Variants in CTNNA3 observed in about 807,000 individuals in gnomAD.
CTNNA3 encodes catenin alpha-3.
A neutral mutation model predicts 95.7 loss-of-function variants in CTNNA3; 76 were observed. That is an observed-to-expected ratio of 0.79 (90% CI 0.66 to 0.96). The LOEUF (loss-of-function observed/expected upper bound fraction) is 0.96, where lower values mean the gene tolerates loss of function less well. CTNNA3 is among the 40% of genes least tolerant of loss of function. The pLI is 0.00. For missense variants in CTNNA3, 1,191 were observed against 1,089.8 expected (o/e 1.09, Z -1.31); for synonymous variants, 431 against 374.4 (o/e 1.15, Z -1.74).
chr10:67,731,569 G>A (rs575037015), intron 1 of CTNNA3, among the ~76,000 whole-genome samples: 16 of 152,122 alleles, frequency 1.1e-4, no homozygotes, highest in Non-Finnish European at 1.6e-4. Context: ...TTGGGAGGCC[G>A]AGGCAGGCGG....
At chr10:67,478,156 T>C (rs1848088679) in intron 5 of CTNNA3, among the ~76,000 whole-genome samples, 2 of 152,150 alleles carry the variant, frequency 1.3e-5, no homozygotes, top group Non-Finnish European at 2.9e-5. Flanking sequence ...TTTTTAAAAA[T>C]GAACAAAGTC....
intron 5 of CTNNA3, among the ~76,000 whole-genome samples, chr10:67,481,815 T>C (rs901345938): frequency 1.2e-4 from 18 of 152,288 alleles, no homozygotes; most frequent in African/African-American, 4.3e-4. Context: ...AGACATGAAG[T>C]CCTTGCCCAT....
At chr10:66,734,037 T>C (rs550414974) in intron 9 of CTNNA3, among the ~76,000 whole-genome samples, 3 of 152,144 alleles carry the variant, frequency 2.0e-5, no homozygotes, top group Non-Finnish European at 4.4e-5. Flanking sequence ...CTAATTGTGA[T>C]GTATTTCTTA....
chr10:66,462,069 C>A (rs972326408), intron 11 of CTNNA3, among the ~76,000 whole-genome samples: 1 of 152,048 alleles, frequency 6.6e-6, no homozygotes, highest in Non-Finnish European at 1.5e-5. Context: ...CTCGTCCCCC[C>A]AAAGTGCCAG....
intron 2 of CTNNA3, among the ~76,000 whole-genome samples, chr10:67,622,111 G>C (rs929224418): frequency 1.3e-5 from 2 of 152,196 alleles, no homozygotes; most frequent in Non-Finnish European, 2.9e-5. Flanking sequence ...GCCCCGGGGA[G>C]TCTATGAAGG....
At chr10:67,603,171 T>G (rs1843143944) in intron 3 of CTNNA3, among the ~76,000 whole-genome samples, 1 of 152,194 alleles carries the variant, frequency 6.6e-6, no homozygotes, top group Non-Finnish European at 1.5e-5. Flanking sequence ...ACGGGGTCAG[T>G]AAACACTTCC....
intron 1 of CTNNA3, among the ~76,000 whole-genome samples, chr10:67,681,261 T>C (rs1455086662): frequency 1.3e-5 from 2 of 152,190 alleles, no homozygotes; most frequent in Non-Finnish European, 2.9e-5. Context: ...GGATTATTCC[T>C]TCCAGTTATT....
intron 7 of CTNNA3, among the ~76,000 whole-genome samples, chr10:67,073,619 G>GA (rs1262860071): frequency 6.7e-6 from 1 of 149,216 alleles, no homozygotes; most frequent in Non-Finnish European, 1.5e-5. Flanking sequence ...AAATAAAGAG[G>GA]AAAAAAACGA....
At chr10:66,986,600 G>T (rs1331187352) in intron 7 of CTNNA3, among the ~76,000 whole-genome samples, 1 of 152,026 alleles carries the variant, frequency 6.6e-6, no homozygotes, top group African/African-American at 2.4e-5. Flanking sequence ...TAGTTTATAG[G>T]AGAATGATAC....
chr10:66,707,072 C>G (rs1237539328), intron 9 of CTNNA3, among the ~76,000 whole-genome samples: 1 of 151,936 alleles, frequency 6.6e-6, no homozygotes, highest in Admixed American at 6.6e-5. Flanking sequence ...AGTAAGAATA[C>G]TAATGTGTCC....
chr10:67,115,606 G>A (rs1289824175), intron 7 of CTNNA3, among the ~76,000 whole-genome samples: 1 of 151,742 alleles, frequency 6.6e-6, no homozygotes, highest in Non-Finnish European at 1.5e-5. Context: ...TTAGCCACAG[G>A]ATTTATCTTT....
chr10:66,154,564 C>T (rs2133913886), intron 13 of CTNNA3, among the ~76,000 whole-genome samples: 1 of 151,072 alleles, frequency 6.6e-6, no homozygotes, highest in African/African-American at 2.4e-5. Flanking sequence ...CTGTTAATGG[C>T]AACATTTTCC....
chr10:66,359,854 T>G (rs912690168), intron 12 of CTNNA3, among the ~76,000 whole-genome samples: 3 of 150,998 alleles, frequency 2.0e-5, no homozygotes, highest in African/African-American at 7.3e-5. Flanking sequence ...TTGAGATGGG[T>G]CTCCCTCTGT....
intron 5 of CTNNA3, among the ~76,000 whole-genome samples, chr10:67,481,472 T>A (rs904755952): frequency 6.6e-6 from 1 of 152,186 alleles, no homozygotes; most frequent in East Asian, 1.9e-4. Flanking sequence ...GTAGCAGTTC[T>A]ATATACCAAT....
At chr10:67,215,206 A>T (rs1465625196) in intron 6 of CTNNA3, among the ~76,000 whole-genome samples, 1 of 152,052 alleles carries the variant, frequency 6.6e-6, no homozygotes, top group Non-Finnish European at 1.5e-5. Flanking sequence ...TGAATTTTTC[A>T]TCATTATATT....
intron 9 of CTNNA3, among the ~76,000 whole-genome samples, chr10:66,708,598 G>A (rs1483150536): frequency 2.6e-5 from 4 of 152,046 alleles, no homozygotes; most frequent in African/African-American, 9.7e-5. Flanking sequence ...TGAATGAGGA[G>A]GAGGAAGGAA....
intron 5 of CTNNA3, among the ~76,000 whole-genome samples, chr10:67,380,334 G>A (rs950565972): frequency 1.3e-5 from 2 of 152,004 alleles, no homozygotes; most frequent in Non-Finnish European, 2.9e-5. Flanking sequence ...CAGTGAAATG[G>A]GAATGAAAAT....
chr10:66,956,485 C>T (rs1036752982), intron 7 of CTNNA3, among the ~76,000 whole-genome samples: 2 of 151,938 alleles, frequency 1.3e-5, no homozygotes, highest in Non-Finnish European at 2.9e-5. Flanking sequence ...TATTGTCATC[C>T]AGGCAATAAA....
At chr10:66,241,263 T>C (rs2090091721) in intron 13 of CTNNA3, among the ~76,000 whole-genome samples, 1 of 152,232 alleles carries the variant, frequency 6.6e-6, no homozygotes, top group African/African-American at 2.4e-5. Context: ...ATTGTGATAT[T>C]GTGCTATAGT....
Sources: allele counts gnomAD v4.1 joint callset (sites outside exome capture counted in the v4.1 genomes callset), GRCh38; gene constraint gnomAD v4.1.1; transcripts MANE v1.5; gene names NCBI Gene and HGNC (gene_info 2026-07-23, HGNC 2026-07-21).